Variants in LAMA2 observed in about 807,000 individuals in gnomAD.
LAMA2 encodes the protein laminin subunit alpha-2.
LAMA2 carries 269 observed loss-of-function variants against 364.8 expected under a neutral mutation model. That is an observed-to-expected ratio of 0.74 (90% CI 0.67 to 0.82). The LOEUF (loss-of-function observed/expected upper bound fraction) is 0.82, where lower values mean the gene tolerates loss of function less well. LAMA2 is among the 40% of genes least tolerant of loss of function. The pLI is 0.00. For synonymous variants in LAMA2, 1,379 were observed against 1,370.6 expected, an observed-to-expected ratio of 1.01 and a Z score of -0.14; for missense variants, 3,807 against 3,873.2, an observed-to-expected ratio of 0.98 and a Z score of 0.45.
At chr6:129,272,057 A>T (rs1787976611) in intron 17 of LAMA2, among the ~76,000 whole-genome samples, 1 of 152,170 alleles carries the variant, frequency 6.6e-6, no homozygotes, top group South Asian at 2.1e-4. Context: ...TACCTTACTC[A>T]TTGTTTGGAA....
chr6:129,296,623 C>G (rs973976150), intron 20 of LAMA2, among the ~76,000 whole-genome samples: 1 of 151,736 alleles, frequency 6.6e-6, no homozygotes, highest in Non-Finnish European at 1.5e-5. Flanking sequence ...TATAATGAGG[C>G]TTATTAATTT....
chr6:129,155,203 A>T (rs900840398), intron 8 of LAMA2, among the ~76,000 whole-genome samples: 4 of 152,174 alleles, frequency 2.6e-5, no homozygotes, highest in African/African-American at 9.7e-5. Context: ...AAATAATTTT[A>T]TACTAGTTAT....
chr6:129,265,073 G>A (rs956335324), intron 15 of LAMA2, among the ~76,000 whole-genome samples: 6 of 152,132 alleles, frequency 3.9e-5, no homozygotes, highest in African/African-American at 1.4e-4. Flanking sequence ...AGAAGGGAAA[G>A]TTATTACTAA....
chr6:129,181,276 A>G (rs1277593374), intron 10 of LAMA2, among the ~76,000 whole-genome samples: 5 of 152,130 alleles, frequency 3.3e-5, no homozygotes, highest in Non-Finnish European at 2.9e-5. Flanking sequence ...TAACTACAAA[A>G]GGAAACCAGT....
chr6:129,444,199 G>A (rs1332502321), intron 44 of LAMA2, among the ~76,000 whole-genome samples: 1 of 152,142 alleles, frequency 6.6e-6, no homozygotes, highest in Non-Finnish European at 1.5e-5. Flanking sequence ...GGGGAGAAGA[G>A]GAACTTCCAA....
intron 12 of LAMA2, among the ~76,000 whole-genome samples, chr6:129,211,927 A>T (rs1030918464): frequency 1.3e-3 from 196 of 152,316 alleles, no homozygotes; most frequent in African/African-American, 4.6e-3. Context: ...GGAACTTAAT[A>T]ATTCTTTGTT....
chr6:129,256,763 C>T (rs1232429408), intron 14 of LAMA2, among the ~76,000 whole-genome samples: 11 of 87,958 alleles, frequency 1.3e-4, no homozygotes, highest in African/African-American at 2.5e-4. Context: ...AATTATATAG[C>T]ATATATATAT....
At chr6:129,051,696 C>A (rs201420954) in intron 2 of LAMA2, among the ~76,000 whole-genome samples, 22 of 32,208 alleles carry the variant, frequency 6.8e-4, no homozygotes, top group African/African-American at 2.5e-3. Context: ...ATCTATAGAT[C>A]GATCTATAGA....
intron 1 of LAMA2, chr6:128,929,927 G>A (rs1209797100): frequency 2.5e-6 from 2 of 790,072 alleles, no homozygotes; most frequent in South Asian, 1.6e-5. Context: ...AAGCAGGAGC[G>A]CGGCCCACAG....
intron 40 of LAMA2, among the ~76,000 whole-genome samples, chr6:129,411,376 A>T (rs1173634824): frequency 1.3e-5 from 2 of 152,186 alleles, no homozygotes; most frequent in African/African-American, 4.8e-5. Flanking sequence ...TGCATTTCTC[A>T]TAGAAAAAAT....
At chr6:128,898,771 A>T (rs1776915135) in intron 1 of LAMA2, among the ~76,000 whole-genome samples, 1 of 152,228 alleles carries the variant, frequency 6.6e-6, no homozygotes, top group Non-Finnish European at 1.5e-5. Context: ...AATTCATTAG[A>T]TTTTAAGTCT....
At chr6:129,509,668 G>A (rs1034216952) in intron 62 of LAMA2, among the ~76,000 whole-genome samples, 1 of 152,092 alleles carries the variant, frequency 6.6e-6, no homozygotes, top group African/African-American at 2.4e-5. Flanking sequence ...CACTGTAGAT[G>A]TATGGATTTA....
intron 3 of LAMA2, among the ~76,000 whole-genome samples, chr6:129,068,115 T>A (rs1466892779): frequency 6.6e-5 from 10 of 152,192 alleles, no homozygotes; most frequent in Admixed American, 6.5e-4. Context: ...TAGGAAGCAT[T>A]CAATGTGTTT....
At chr6:129,250,320 T>TA (rs775185063) in intron 13 of LAMA2, 107 bp downstream of exon 13, 182 of 700,600 alleles carry the variant, frequency 2.6e-4, no homozygotes, top group South Asian at 4.2e-4. Flanking sequence ...ACAGGACTAC[T>TA]AAAAAAAAAT....
intron 40 of LAMA2, among the ~76,000 whole-genome samples, chr6:129,423,891 C>T (rs1781200582): frequency 6.6e-6 from 1 of 151,852 alleles, no homozygotes; most frequent in South Asian, 2.1e-4. Context: ...AAGGTTTTTT[C>T]CTAAAAATTT....
At chr6:129,388,180 C>A (rs998520020) in intron 35 of LAMA2, among the ~76,000 whole-genome samples, 2 of 151,776 alleles carry the variant, frequency 1.3e-5, no homozygotes, top group Non-Finnish European at 2.9e-5. Context: ...TCGCTTGAAC[C>A]CAGGAGGTGC....
chr6:129,260,037 A>G (rs538591673), intron 14 of LAMA2, among the ~76,000 whole-genome samples: 4 of 152,280 alleles, frequency 2.6e-5, no homozygotes, highest in Non-Finnish European at 5.9e-5. Context: ...TGGCCAAACC[A>G]GCTTTTCTCT....
At chr6:129,338,358 C>T (rs1460447242) in intron 29 of LAMA2, among the ~76,000 whole-genome samples, 1 of 152,196 alleles carries the variant, frequency 6.6e-6, no homozygotes, top group African/African-American at 2.4e-5. Flanking sequence ...ACTTATTCAT[C>T]AGCATGACAC....
intron 15 of LAMA2, among the ~76,000 whole-genome samples, chr6:129,263,378 T>A (rs1434898767): frequency 2.6e-5 from 4 of 152,180 alleles, no homozygotes; most frequent in Admixed American, 6.6e-5. Context: ...ATGATAAAGT[T>A]ACTGCAAGTG....
Sources: allele counts gnomAD v4.1 joint callset (sites outside exome capture counted in the v4.1 genomes callset), GRCh38; gene constraint gnomAD v4.1.1; transcripts MANE v1.5; gene names NCBI Gene and HGNC (gene_info 2026-07-23, HGNC 2026-07-21).